The following MROH9 variants were observed in gnomAD, a reference collection of about 807,000 sequenced individuals.
MROH9 encodes maestro heat like repeat family member 9.
Under a neutral mutation model 98.2 loss-of-function variants are expected in MROH9, and 92 were observed. That is an observed-to-expected ratio of 0.94 (90% CI 0.79 to 1.11). The LOEUF (loss-of-function observed/expected upper bound fraction) is 1.11. Ranked by LOEUF, MROH9 falls within the 50% of genes most tolerant of loss-of-function variation. The pLI, the probability that MROH9 is intolerant of heterozygous loss-of-function variation, is 0.00. For synonymous variants in MROH9, 397 were observed against 368.9 expected (o/e 1.08, Z -0.87); for missense variants, 1,057 against 1,014.8 (o/e 1.04, Z -0.57).
At chr1:171,054,874 G>T (rs1057409447) in intron 20 of MROH9, among the ~76,000 whole-genome samples, 25 of 152,124 alleles carry the variant, frequency 1.6e-4, no homozygotes, top group African/African-American at 5.6e-4. Flanking sequence ...TGTGGATGTG[G>T]TGAAAAGGGA....
At chr1:170,956,302 C>G (rs1649754972) in intron 3 of MROH9, among the ~76,000 whole-genome samples, 1 of 151,872 alleles carries the variant, frequency 6.6e-6, no homozygotes, top group Admixed American at 6.5e-5. Flanking sequence ...TATGTGGGCT[C>G]TTTTTTGGTT....
intron 1 of MROH9, among the ~76,000 whole-genome samples, chr1:170,939,034 C>G (rs970362198): frequency 1.3e-5 from 2 of 152,212 alleles, no homozygotes; most frequent in Non-Finnish European, 2.9e-5. Context: ...TAATTGGTAC[C>G]TACAGAATGG....
intron 20 of MROH9, among the ~76,000 whole-genome samples, chr1:171,031,027 C>T (rs1036555319): frequency 6.6e-5 from 10 of 152,098 alleles, no homozygotes; most frequent in African/African-American, 1.2e-4. Flanking sequence ...TTCCCTTTTC[C>T]GTAATGTAAT....
chr1:171,016,085 C>T (rs1397103630), intron 16 of MROH9, 78 bp from the exon 17 acceptor site: 3 of 1,026,284 alleles, frequency 2.9e-6, no homozygotes, highest in African/African-American at 3.4e-5. Context: ...GCCGCCCAGA[C>T]TCAAGGTATC....
intron 15 of MROH9, among the ~76,000 whole-genome samples, chr1:171,002,865 TGTC>T (rs1651827298): frequency 6.6e-6 from 1 of 152,174 alleles, no homozygotes; most frequent in Non-Finnish European, 1.5e-5. Flanking sequence ...CTTTTAGAAT[TGTC>T]TTCTTCCTCA....
chr1:171,053,783 G>T (rs925311769), intron 20 of MROH9, among the ~76,000 whole-genome samples: 1 of 152,068 alleles, frequency 6.6e-6, no homozygotes, highest in Non-Finnish European at 1.5e-5. Context: ...AATTGGATAT[G>T]TCAGAATAAA....
In MROH9 at chr1:171,052,961, C is replaced by G. The variant is rs562077483; in HGVS notation, c.2282-9171C>G. Among the ~76,000 whole-genome samples the G allele has an allele frequency of 6.6e-5, 10 of 152,290 alleles. No homozygotes were observed. In the South Asian group the frequency reaches 2.1e-3, roughly 32 times the overall value. ...AGCAGGAATGGGATTCTCTCTCCCA[C>G]TCCTTGGAACTAGTGGGGCTCATTC... On this transcript the variant is annotated intron_variant, in intron 20 of 21. Transcript: ENST00000367759.
At chr1:171,027,408 T>C (rs1302664546) in intron 20 of MROH9, among the ~76,000 whole-genome samples, 1 of 152,250 alleles carries the variant, frequency 6.6e-6, no homozygotes, top group African/African-American at 2.4e-5. Flanking sequence ...GGCTGCATAA[T>C]ATTCCATGGT....
At chr1:171,030,460 G>A (rs1441630099) in intron 20 of MROH9, among the ~76,000 whole-genome samples, 1 of 152,090 alleles carries the variant, frequency 6.6e-6, no homozygotes, top group African/African-American at 2.4e-5. Flanking sequence ...CTGCTTAGGT[G>A]TGTCCCAGAG....
In MROH9 at chr1:170,989,835, C is replaced by T; in HGVS notation, c.880-20C>T. 1 of 1,580,976 alleles carries T rather than the reference C, an allele frequency of 6.3e-7. No homozygotes were observed. Among genetic ancestry groups the T allele is most frequent in the East Asian group, 2.3e-5 (1 of 44,332 alleles). Reference sequence around the variant, plus strand: ...CATGGAACAGGAGATTCTTGTTTACCTGTGGAATTTCTCTTCCAGGTGTCT... The same window carrying T: ...CATGGAACAGGAGATTCTTGTTTACTTGTGGAATTTCTCTTCCAGGTGTCT... On this transcript the variant is annotated intron_variant, in intron 10 of 21. Transcript: ENST00000367759.
At chr1:170,980,926 A>G (rs1343380231) in intron 8 of MROH9, among the ~76,000 whole-genome samples, 1 of 152,230 alleles carries the variant, frequency 6.6e-6, no homozygotes, top group East Asian at 1.9e-4. Flanking sequence ...TTTACAAGAA[A>G]AAAACAAACA....
At chr1:170,936,596 C>T (rs769718514) in intron 1 of MROH9, among the ~76,000 whole-genome samples, 7 of 152,278 alleles carry the variant, frequency 4.6e-5, no homozygotes, top group South Asian at 2.1e-4. Flanking sequence ...CAGTTTGACA[C>T]GTAATATTAA....
At chr1:170,965,665 C>A (rs572517993) in intron 7 of MROH9, among the ~76,000 whole-genome samples, 1 of 152,162 alleles carries the variant, frequency 6.6e-6, no homozygotes, top group East Asian at 1.9e-4. Context: ...CATTGTGAAA[C>A]ATGCTAGAGG....
In MROH9 at chr1:170,961,937, C is replaced by T; in HGVS notation, c.336C>T (p.Ser112=). ...ATATATATGAGAACATTCTTACGAG[C>T]TTGGTGTCTAAAGACCTCTACAAAC... ...ILNIYENILT[S]LVSKDLYKLQ... is the part of the protein sequence containing the mutation. Residue 112 remains serine, a synonymous_variant, in exon 6 of 22, where the codon AGC becomes AGT. Coordinates refer to ENST00000367759, the MANE Select transcript of MROH9 (RefSeq NM_001163629.2). The T allele has an allele frequency of 1.3e-6, 2 of 1,540,298 alleles. No individual in the cohort carries two copies. The highest frequency in any genetic ancestry group is 1.2e-5 in the South Asian group (1 of 81,620).
intron 3 of MROH9, among the ~76,000 whole-genome samples, chr1:170,957,715 G>T (rs1002793315): frequency 6.6e-6 from 1 of 151,998 alleles, no homozygotes; most frequent in African/African-American, 2.4e-5. Context: ...CACTTTTAAA[G>T]GCTAAATTCT....
intron 9 of MROH9, 144 bp from the exon 10 acceptor site, chr1:170,986,413 AAGAG>A (rs1381712452): frequency 1.7e-6 from 1 of 596,316 alleles, no homozygotes; most frequent in Non-Finnish European, 2.8e-6. Flanking sequence ...TTTTTCATGG[AAGAG>A]AGAGACTCCA....
At chr1:170,971,672 C>A in intron 7 of MROH9, 76 bp from the exon 8 acceptor site, 1 of 1,477,488 alleles carries the variant, frequency 6.8e-7, no homozygotes, top group Non-Finnish European at 9.4e-7. Flanking sequence ...TGATTTATAA[C>A]AGGATCAGAT....
chr1:171,037,846 T>A (rs1032364052), intron 20 of MROH9, among the ~76,000 whole-genome samples: 5 of 152,078 alleles, frequency 3.3e-5, no homozygotes, highest in African/African-American at 4.8e-5. Flanking sequence ...TATGGAATGT[T>A]TGTTAAATGA....
chr1:171,011,800 T>C (rs1324566415), intron 15 of MROH9, among the ~76,000 whole-genome samples: 1 of 152,204 alleles, frequency 6.6e-6, no homozygotes, highest in African/African-American at 2.4e-5. Context: ...TTACTTGTTC[T>C]TTTTTGTATT....
Sources: allele counts gnomAD v4.1 joint callset (sites outside exome capture counted in the v4.1 genomes callset), GRCh38; gene constraint gnomAD v4.1.1; transcripts MANE v1.5; gene names NCBI Gene and HGNC (gene_info 2026-07-23, HGNC 2026-07-21).